Variants in MYO6 observed in about 807,000 individuals in gnomAD.
MYO6 encodes myosin VI, also known as unconventional myosin-VI.
A neutral mutation model predicts 178.7 loss-of-function variants in MYO6; 74 were observed. The observed-to-expected ratio is 0.41, with a 90% CI of 0.34 to 0.50. The LOEUF is 0.50. Ranked by LOEUF, MYO6 falls within the 20% of genes least tolerant of loss-of-function variation. The pLI, the probability that MYO6 is intolerant of heterozygous loss-of-function variation, is 0.09. For missense variants in MYO6, 1,330 were observed against 1,547.4 expected (o/e 0.86, Z 2.36); for synonymous variants, 477 against 504.6 (o/e 0.95, Z 0.73).
chr6:75,792,854 G>A (rs1410578121), intron 1 of MYO6, among the ~76,000 whole-genome samples: 1 of 152,128 alleles, frequency 6.6e-6, no homozygotes, highest in Non-Finnish European at 1.5e-5. Context: ...TGTGATCATA[G>A]CTCACTGCAG....
intron 5 of MYO6, among the ~76,000 whole-genome samples, chr6:75,831,439 A>G (rs530367236): frequency 6.6e-6 from 1 of 152,356 alleles, no homozygotes; most frequent in Admixed American, 6.5e-5. Flanking sequence ...TGAAGAAGCT[A>G]TGACAGGCAT....
intron 1 of MYO6, among the ~76,000 whole-genome samples, chr6:75,760,725 T>C (rs1042363831): frequency 1.3e-5 from 2 of 151,896 alleles, no homozygotes; most frequent in African/African-American, 4.8e-5. Context: ...AAACCAACCA[T>C]TTAGACATTT....
At chr6:75,808,760 G>A (rs936554230) in intron 1 of MYO6, among the ~76,000 whole-genome samples, 4 of 152,186 alleles carry the variant, frequency 2.6e-5, no homozygotes, top group Non-Finnish European at 5.9e-5. Flanking sequence ...ATGTACCCAA[G>A]GTGGTCAGGG....
chr6:75,883,161 C>T (rs1413651841), intron 23 of MYO6, among the ~76,000 whole-genome samples: 1 of 150,634 alleles, frequency 6.6e-6, no homozygotes, highest in Admixed American at 6.6e-5. Flanking sequence ...AAAATGAATA[C>T]AGTAAATTAG....
chr6:75,856,200 A>G (rs1013444277), intron 12 of MYO6, among the ~76,000 whole-genome samples: 2 of 152,150 alleles, frequency 1.3e-5, no homozygotes, highest in Non-Finnish European at 2.9e-5. Context: ...GGGAAAGCCC[A>G]TAAATGTGCA....
At chr6:75,895,581 C>T (rs1258077387) in intron 29 of MYO6, among the ~76,000 whole-genome samples, 1 of 149,018 alleles carries the variant, frequency 6.7e-6, no homozygotes, top group Non-Finnish European at 1.5e-5. Flanking sequence ...TCAGTGGTGT[C>T]ATCTGGGGTC....
Position 75,914,170 on chromosome 6 carries a change from A to G in MYO6, c.3547A>G (p.Lys1183Glu). The G allele has an allele frequency of 6.2e-7, 1 of 1,614,160 alleles. No individual in the cohort carries two copies. Among genetic ancestry groups the G allele is most frequent in the Non-Finnish European group, 8.5e-7 (1 of 1,180,026 alleles). The change falls in exon 34 of 35, where the codon AAA (lysine) becomes GAA (glutamate). Residue 1183 changes from lysine to glutamate, a missense_variant. Lys to Glu is a moderately conservative substitution (Grantham distance 56). This residue lies in a region of MYO6 where 601 missense variants were observed against 626.1 expected (regional missense o/e 0.96). Transcript: ENST00000369977. ...ATTCATCCGCCCTGCCGACCAGTACAAAGACCCTCAGAGTAAGAAAAAAGG... is the reference window on the plus strand; with the variant it reads ...ATTCATCCGCCCTGCCGACCAGTACGAAGACCCTCAGAGTAAGAAAAAAGG... Reference protein sequence around the residue: ...IPFIRPADQYKDPQSKKKGWW... With the variant: ...IPFIRPADQYEDPQSKKKGWW...
intron 16 of MYO6, among the ~76,000 whole-genome samples, chr6:75,864,825 T>C (rs917328225): frequency 6.6e-6 from 1 of 152,246 alleles, no homozygotes; most frequent in Non-Finnish European, 1.5e-5. Flanking sequence ...ATTGAACACT[T>C]AGATGTGGCA....
At chr6:75,776,657 T>TGTGTG (rs1766417393) in intron 1 of MYO6, among the ~76,000 whole-genome samples, 1 of 145,432 alleles carries the variant, frequency 6.9e-6, no homozygotes, top group South Asian at 2.1e-4. Context: ...ACGTGCAGTG[T>TGTGTG]GTGTGTGTGT....
At chr6:75,824,985 C>T (rs1281543228) in intron 3 of MYO6, among the ~76,000 whole-genome samples, 1 of 152,110 alleles carries the variant, frequency 6.6e-6, no homozygotes, top group Non-Finnish European at 1.5e-5. Flanking sequence ...TCTCAAACTC[C>T]TGACCTCAGA....
At chr6:75,822,678 G>A in intron 2 of MYO6, 104 bp from the exon 3 acceptor site, 1 of 816,074 alleles carries the variant, frequency 1.2e-6, no homozygotes, top group Admixed American at 1.8e-5. Context: ...TTAATAAAGA[G>A]CATATTGTTG....
intron 1 of MYO6, among the ~76,000 whole-genome samples, chr6:75,804,966 CACATATAT>C (rs1769878289): frequency 7.1e-6 from 1 of 140,672 alleles, no homozygotes; most frequent in African/African-American, 2.7e-5. Flanking sequence ...CACATATATA[CACATATAT>C]ACACACACAT....
chr6:75,881,841 A>G (rs1361242069), intron 23 of MYO6, 23 bp downstream of exon 23: 4 of 1,612,246 alleles, frequency 2.5e-6, no homozygotes, highest in Non-Finnish European at 2.5e-6. Flanking sequence ...CTTTACACCT[A>G]TAGGATCTTT....
chr6:75,753,359 A>C (rs957762480), intron 1 of MYO6, among the ~76,000 whole-genome samples: 2 of 151,972 alleles, frequency 1.3e-5, no homozygotes, highest in Non-Finnish European at 2.9e-5. Flanking sequence ...TCTGTGACAC[A>C]CACATCAAGA....
chr6:75,862,675 CT>C lies in MYO6; in HGVS notation c.1629del (p.Phe543LeufsTer66). 6.2e-7 allele frequency: 1 copy of C among 1,614,094 alleles called. No individual in the cohort carries two copies. Among genetic ancestry groups the C allele is most frequent in the Non-Finnish European group, 8.5e-7 (1 of 1,179,976 alleles). On this transcript the variant is annotated frameshift_variant, in exon 16 of 35. Transcript: ENST00000369977. LOFTEE classifies it high-confidence loss of function. ...GCCTTCCCCAGCCAAGTGATCAACA[CT>C]TTACATCTGCAGTTCACCAAAAGCA... The part of the protein sequence containing the change: ...NRLPQPSDQH[F>X]TSAVHQKHKD...
rs1235971669 is a variant in MYO6 at position 75,829,268 on chromosome 6, T to C, written c.261+655T>C. ...CAGATGGATACTTAACCTAGTATGT[T>C]TTAATTATAATTATTCTTTGGGCAT... is the stretch of plus-strand genomic sequence containing the variant. On this transcript the variant is annotated intron_variant, in intron 4 of 34. Coordinates refer to ENST00000369977, the MANE Select transcript of MYO6 (RefSeq NM_004999.4). 2.0e-5 allele frequency among the ~76,000 whole-genome samples: 3 copies of C among 152,166 alleles called. No homozygotes were observed. The East Asian group carries it at 5.8e-4, about 29-fold the overall frequency.
At chr6:75,913,745 C>T (rs1030566458) in intron 33 of MYO6, among the ~76,000 whole-genome samples, 16 of 151,784 alleles carry the variant, frequency 1.1e-4, no homozygotes, top group Admixed American at 2.0e-4. Context: ...GTTTTCCTGC[C>T]GTGTGAGTTT....
At position 75,855,411 on chromosome 6, in the gene MYO6, C is replaced by A. The variant is rs1290076987; in HGVS notation, c.1223+128C>A. 3 of 877,196 alleles carry A rather than the reference C, an allele frequency of 3.4e-6. No individual in the cohort carries two copies. The South Asian group carries it at 4.5e-5, about 13-fold the overall frequency. The allele number at this position is 877,196 out of a possible 1,614,324, so 54.3% of individuals were successfully genotyped here. ...ATTCTCTACATCTCAGTGTAGTAATCCACCATATAAATAAATGGAGTTTAA... is the reference window on the plus strand; with the variant it reads ...ATTCTCTACATCTCAGTGTAGTAATACACCATATAAATAAATGGAGTTTAA... On this transcript the variant is annotated intron_variant, in intron 12 of 34. Transcript: ENST00000369977.
chr6:75,749,258 G>C lies in MYO6; in HGVS notation c.-213G>C, dbSNP rs958820025. 12 of 152,020 alleles carry C rather than the reference G, an allele frequency of 7.9e-5. No homozygotes were observed. Among genetic ancestry groups the C allele is most frequent in the African/African-American group, 2.9e-4 (12 of 41,528 alleles). The allele number at this position is 152,020 out of a possible 1,614,324, so 9.4% of individuals were successfully genotyped here. ...GCGGGCGGAGACCGACTCGGGATCT[G>C]TCCGAGCAGGAAGCCAGCCTCAGCC... On this transcript the variant is annotated 5_prime_UTR_variant, in exon 1 of 35. Coordinates refer to ENST00000369977, the MANE Select transcript of MYO6 (RefSeq NM_004999.4).
Sources: allele counts gnomAD v4.1 joint callset (sites outside exome capture counted in the v4.1 genomes callset), GRCh38; gene constraint gnomAD v4.1.1; regional missense constraint gnomAD v4.1.1; transcripts MANE v1.5; gene names NCBI Gene and HGNC (gene_info 2026-07-23, HGNC 2026-07-21).